The following SEPTIN10 variants were observed in gnomAD, a reference collection of about 807,000 sequenced individuals.
SEPTIN10 encodes the protein septin-10.
SEPTIN10 carries 66 observed loss-of-function variants against 54.8 expected under a neutral mutation model. The ratio of observed to expected loss-of-function variants is 1.21; its 90% confidence interval spans 0.99 to 1.48. The LOEUF is 1.48. Among genes scored for constraint, SEPTIN10 ranks in the 40% most tolerant of loss-of-function variants. SEPTIN10 has a pLI of 0.00. For missense variants in SEPTIN10, 620 were observed against 545.6 expected, an observed-to-expected ratio of 1.14 and a Z score of -1.36; for synonymous variants, 161 against 181.0, an observed-to-expected ratio of 0.89 and a Z score of 0.89.
chr2:109,603,039 C>CCAG (rs111314285), intron 1 of SEPTIN10, among the ~76,000 whole-genome samples: 2,527 of 151,884 alleles, frequency 0.017, 81 homozygotes, highest in African/African-American at 0.057. Context: ...CCACTGTACT[C>CCAG]CAGCCTGGGC....
intron 1 of SEPTIN10, among the ~76,000 whole-genome samples, chr2:109,612,171 G>A (rs1699396864): frequency 6.6e-6 from 1 of 151,448 alleles, no homozygotes; most frequent in South Asian, 2.1e-4. Context: ...TGAATCTCCA[G>A]AACTTTGCTG....
chr2:109,593,006 A>G, intron 2 of SEPTIN10, 45 bp downstream of exon 2: 7 of 1,300,282 alleles, frequency 5.4e-6, no homozygotes, highest in Non-Finnish European at 7.3e-6. Flanking sequence ...AAATCATAGA[A>G]GCATTTAGAG....
chr2:109,596,918 A>G (rs1343865893), intron 1 of SEPTIN10, among the ~76,000 whole-genome samples: 2 of 152,306 alleles, frequency 1.3e-5, no homozygotes, highest in African/African-American at 4.8e-5. Flanking sequence ...ATACTGGAAA[A>G]GATTTTCTTA....
intron 6 of SEPTIN10, among the ~76,000 whole-genome samples, chr2:109,566,636 T>C (rs1451636054): frequency 6.6e-6 from 1 of 152,050 alleles, no homozygotes; most frequent in Non-Finnish European, 1.5e-5. Flanking sequence ...AATGTCAATA[T>C]AGTAAATGTC....
chr2:109,572,609 CTTTTT>C (rs60520770), intron 5 of SEPTIN10, among the ~76,000 whole-genome samples: 9 of 111,220 alleles, frequency 8.1e-5, no homozygotes, highest in Admixed American at 4.0e-4. Context: ...TTTAAAACAA[CTTTTT>C]TTTTTTTTTT....
intron 10 of SEPTIN10, chr2:109,544,812 A>G (rs1680768322): frequency 1.3e-6 from 1 of 744,770 alleles, no homozygotes; most frequent in Non-Finnish European, 1.6e-6. Context: ...CCTACTATGT[A>G]CCAGACAACT....
chr2:109,562,416 C>G (rs1301391357), intron 8 of SEPTIN10, among the ~76,000 whole-genome samples: 1 of 151,678 alleles, frequency 6.6e-6, no homozygotes, highest in Non-Finnish European at 1.5e-5. Flanking sequence ...CCTCCTCCCA[C>G]CCCTCAACAG....
chr2:109,544,397 T>TA (rs1363561920), intron 10 of SEPTIN10, 73 bp from the exon 11 acceptor site: 1 of 1,522,936 alleles, frequency 6.6e-7, no homozygotes, highest in Non-Finnish European at 8.7e-7. Flanking sequence ...AACATGCATC[T>TA]AGTATATTAT....
At chr2:109,567,783 A>G (rs764349286) in intron 6 of SEPTIN10, 32 bp downstream of exon 6, 1 of 1,527,106 alleles carries the variant, frequency 6.5e-7, no homozygotes, top group Non-Finnish European at 8.8e-7. Flanking sequence ...TTTCACATGG[A>G]AAACAGAATT....
chr2:109,587,026 T>A (rs2105817538), intron 2 of SEPTIN10, among the ~76,000 whole-genome samples: 1 of 152,214 alleles, frequency 6.6e-6, no homozygotes, highest in East Asian at 1.9e-4. Flanking sequence ...TGATTCACAG[T>A]CAAGAAAGAA....
intron 2 of SEPTIN10, among the ~76,000 whole-genome samples, chr2:109,592,492 A>C (rs1207964048): frequency 1.3e-5 from 2 of 150,416 alleles, no homozygotes; most frequent in African/African-American, 2.4e-5. Flanking sequence ...AACGAATGAT[A>C]AAAAGAAATA....
intron 10 of SEPTIN10, chr2:109,544,834 TG>T (rs1017810941): frequency 1.3e-6 from 1 of 753,630 alleles, no homozygotes; most frequent in Non-Finnish European, 1.6e-6. Flanking sequence ...CTCTAGGCTC[TG>T]GGGATGGCTA....
intron 1 of SEPTIN10, chr2:109,613,081 G>T: frequency 1.4e-6 from 1 of 700,610 alleles, no homozygotes; most frequent in Non-Finnish European, 2.2e-6. Flanking sequence ...CAGGCATCGG[G>T]CCTCCAAACG....
intron 2 of SEPTIN10, among the ~76,000 whole-genome samples, chr2:109,587,159 G>A (rs1484183023): frequency 2.6e-5 from 4 of 152,198 alleles, no homozygotes; most frequent in South Asian, 2.1e-4. Context: ...GTGGCATGAC[G>A]GGGAATTACA....
chr2:109,602,249 A>C (rs1696756399), intron 1 of SEPTIN10, among the ~76,000 whole-genome samples: 1 of 152,270 alleles, frequency 6.6e-6, no homozygotes, highest in Non-Finnish European at 1.5e-5. Flanking sequence ...TGTGATGTGA[A>C]GAATGAAAAC....
Position 109,564,110 on chromosome 2 carries a change from C to T in SEPTIN10, c.1028+256G>A, listed in dbSNP as rs374138406. On this transcript the variant is annotated intron_variant, in intron 8 of 10. Transcript: ENST00000397712. ...TTACTCATGTCAGCATGAACTGAAA[C>T]AGGGGGCCTCTGCCATACATTCTTC... is the stretch of plus-strand genomic sequence containing the variant. 28 of 360,556 alleles carry T rather than the reference C, an allele frequency of 7.8e-5. 1 individual carries two copies. The Middle Eastern group carries it at 2.9e-3, about 37-fold the overall frequency. 22.3% of individuals were successfully genotyped at this position (360,556 alleles called of 1,614,324 possible). A position where few individuals can be genotyped will look rare whatever the true frequency, so the allele number is the denominator to read the frequency against.
chr2:109,612,377 T>C (rs1699438297), intron 1 of SEPTIN10, among the ~76,000 whole-genome samples: 2 of 152,294 alleles, frequency 1.3e-5, no homozygotes, highest in South Asian at 4.1e-4. Context: ...GGAACATCCT[T>C]TATCTTCACT....
chr2:109,572,633 T>C (rs939397551), intron 5 of SEPTIN10, among the ~76,000 whole-genome samples: 4 of 148,908 alleles, frequency 2.7e-5, no homozygotes, highest in Non-Finnish European at 5.9e-5. Flanking sequence ...TTTTTTTTTT[T>C]TGAGACGGAG....
At chr2:109,581,974 T>C (rs916516636) in intron 4 of SEPTIN10, among the ~76,000 whole-genome samples, 2 of 151,876 alleles carry the variant, frequency 1.3e-5, no homozygotes, top group African/African-American at 4.8e-5. Context: ...TTCAGTGAAG[T>C]TTCAAGATGC....
Sources: gnomAD v4.1 joint callset for allele counts (sites outside exome capture counted in the v4.1 genomes callset) on GRCh38, gnomAD v4.1.1 for gene constraint, MANE v1.5 for transcripts, NCBI Gene and HGNC (gene_info 2026-07-23, HGNC 2026-07-21) for gene names.